WWOX: variants seen among roughly 807,000 people sequenced by gnomAD.
WWOX encodes the protein WW domain containing oxidoreductase.
In WWOX, 69 loss-of-function variants were observed where a neutral mutation model predicts 46.2. The observed-to-expected ratio is 1.49, with a 90% confidence interval of 1.23 to 1.82. The LOEUF (loss-of-function observed/expected upper bound fraction) is 1.82, where lower values mean the gene tolerates loss of function less well. WWOX is among the 40% of genes most tolerant of loss of function. WWOX has a pLI of 0.00. For synonymous variants in WWOX, 359 were observed against 202.6 expected (o/e 1.77, Z -6.56); for missense variants, 919 against 542.6 (o/e 1.69, Z -6.89).
intron 8 of WWOX, among the ~76,000 whole-genome samples, chr16:78,665,379 T>G (rs1346272034): frequency 1.3e-5 from 2 of 152,116 alleles, no homozygotes; most frequent in African/African-American, 4.8e-5. Context: ...ATTAAATAAT[T>G]GAATTATTAT....
intron 8 of WWOX, among the ~76,000 whole-genome samples, chr16:78,493,628 T>C (rs1197583514): frequency 6.6e-6 from 1 of 152,192 alleles, no homozygotes; most frequent in East Asian, 1.9e-4. Context: ...TGAGCTAATA[T>C]GTATCTAGTA....
intron 8 of WWOX, among the ~76,000 whole-genome samples, chr16:79,072,694 A>G (rs1045252879): frequency 1.3e-5 from 2 of 152,202 alleles, no homozygotes; most frequent in Non-Finnish European, 2.9e-5. Flanking sequence ...CACCATCACC[A>G]TCGTCATCAT....
chr16:79,129,164 C>T (rs1449186132), intron 8 of WWOX, among the ~76,000 whole-genome samples: 1 of 151,894 alleles, frequency 6.6e-6, no homozygotes, highest in African/African-American at 2.4e-5. Context: ...ACTGTTCAAG[C>T]ATTTGAACTT....
intron 8 of WWOX, among the ~76,000 whole-genome samples, chr16:78,861,386 A>T (rs1242714023): frequency 2.0e-5 from 3 of 152,162 alleles, no homozygotes; most frequent in Non-Finnish European, 4.4e-5. Flanking sequence ...AAAATGTAAA[A>T]TGATTTACAG....
At chr16:78,831,227 C>G (rs190127732) in intron 8 of WWOX, among the ~76,000 whole-genome samples, 1 of 152,130 alleles carries the variant, frequency 6.6e-6, no homozygotes, top group African/African-American at 2.4e-5. Flanking sequence ...TGTTTTCCCT[C>G]CAGCCCTCAT....
At chr16:78,581,254 A>G (rs2045045461) in intron 8 of WWOX, among the ~76,000 whole-genome samples, 1 of 152,216 alleles carries the variant, frequency 6.6e-6, no homozygotes, top group Non-Finnish European at 1.5e-5. Flanking sequence ...TTAATTAGAT[A>G]ATTAAGGGTC....
chr16:79,209,339 C>T lies in WWOX; in HGVS notation c.1057-2269C>T, dbSNP rs568915802. 1.9e-4 allele frequency among the ~76,000 whole-genome samples: 29 copies of T among 152,270 alleles called. No homozygotes were observed. The South Asian group carries it at 4.8e-3, about 25-fold the overall frequency. ...CCATTCCAGTAATGCAAGAGTGCAA[C>T]GTGGTATCATTACAGTAGGTCATAG... On this transcript the variant is annotated intron_variant, in intron 8 of 8. Coordinates refer to ENST00000566780, the MANE Select transcript of WWOX (RefSeq NM_016373.4).
intron 8 of WWOX, among the ~76,000 whole-genome samples, chr16:79,014,733 G>A (rs900776763): frequency 6.6e-6 from 1 of 152,184 alleles, no homozygotes; most frequent in Non-Finnish European, 1.5e-5. Context: ...TCACTTTCTG[G>A]AGTGTACACA....
At chr16:78,751,692 A>T (rs1359532675) in intron 8 of WWOX, among the ~76,000 whole-genome samples, 3 of 151,762 alleles carry the variant, frequency 2.0e-5, no homozygotes, top group African/African-American at 4.8e-5. Flanking sequence ...GTTAAAAAAT[A>T]CGTAGGTTCA....
intron 8 of WWOX, among the ~76,000 whole-genome samples, chr16:78,644,492 G>A (rs1406944472): frequency 2.6e-5 from 4 of 151,240 alleles, no homozygotes; most frequent in East Asian, 2.0e-4. Flanking sequence ...ACAGAGTTTT[G>A]CTCTTATTGC....
In WWOX at chr16:78,466,330, T is replaced by C. The variant is rs113531649; in HGVS notation, c.1056+33578T>C. Among the ~76,000 whole-genome samples, 348 of 151,964 alleles carry C rather than the reference T, an allele frequency of 2.3e-3. 1 individual carries two copies. Among genetic ancestry groups the C allele is most frequent in the African/African-American group, 8.1e-3 (336 of 41,502 alleles). On this transcript the variant is annotated intron_variant, in intron 8 of 8. Transcript: ENST00000566780. ...ACAGGCGTGAGCCATTGCACCCGGC[T>C]ATTGGGTACAAGTTTCCTTTGGGGT... is the stretch of plus-strand genomic sequence containing the variant.
intron 5 of WWOX, among the ~76,000 whole-genome samples, chr16:78,239,513 G>C (rs1444217810): frequency 1.3e-5 from 2 of 152,094 alleles, no homozygotes; most frequent in African/African-American, 4.8e-5. Context: ...TCTTGCTTAG[G>C]CATTAGTGAT....
intron 8 of WWOX, among the ~76,000 whole-genome samples, chr16:78,529,652 A>G (rs1333034517): frequency 6.6e-6 from 1 of 151,724 alleles, no homozygotes; most frequent in Non-Finnish European, 1.5e-5. Flanking sequence ...TATTTTTAGT[A>G]GAGATGGGGT....
chr16:78,995,235 C>G (rs1257986386), intron 8 of WWOX, among the ~76,000 whole-genome samples: 1 of 151,976 alleles, frequency 6.6e-6, no homozygotes, highest in Non-Finnish European at 1.5e-5. Context: ...AAGCCCATGC[C>G]CAATCCTTGC....
intron 8 of WWOX, among the ~76,000 whole-genome samples, chr16:78,931,050 G>C (rs1370079649): frequency 2.0e-5 from 3 of 152,156 alleles, no homozygotes. Flanking sequence ...CATGAGAAAT[G>C]CACATGAAAT....
At chr16:78,122,102 G>A (rs778729095) in intron 4 of WWOX, among the ~76,000 whole-genome samples, 1 of 152,052 alleles carries the variant, frequency 6.6e-6, no homozygotes, top group Non-Finnish European at 1.5e-5. Flanking sequence ...TATTATTATT[G>A]TTGATCTCTT....
chr16:78,764,126 C>T lies in WWOX; in HGVS notation c.1056+331374C>T, dbSNP rs74033564. 7.1e-3 allele frequency among the ~76,000 whole-genome samples: 1,083 copies of T among 152,270 alleles called. 10 individuals carry two copies. Among genetic ancestry groups the T allele is most frequent in the African/African-American group, 0.025 (1,021 of 41,556 alleles). ...TGCTCCAGGATAAAAATCGTGTCAC[C>T]ACTTTTGCCGAAAAGTCACTGTGTT... is the stretch of plus-strand genomic sequence containing the variant. On this transcript the variant is annotated intron_variant, in intron 8 of 8. Transcript: ENST00000566780.
intron 8 of WWOX, among the ~76,000 whole-genome samples, chr16:78,578,382 C>T (rs535878589): frequency 1.0e-4 from 15 of 146,518 alleles, no homozygotes; most frequent in South Asian, 4.4e-4. Context: ...CTCCGCCTCC[C>T]GGGTTCACGC....
chr16:78,723,079 G>C (rs2048732565), intron 8 of WWOX, among the ~76,000 whole-genome samples: 1 of 152,060 alleles, frequency 6.6e-6, no homozygotes, highest in Admixed American at 6.6e-5. Context: ...GGAATGATGA[G>C]TACCTGGATT....
Sources: allele counts gnomAD v4.1 joint callset (sites outside exome capture counted in the v4.1 genomes callset), GRCh38; gene constraint gnomAD v4.1.1; transcripts MANE v1.5; gene names NCBI Gene and HGNC (gene_info 2026-07-23, HGNC 2026-07-21).